Variants in ANK2 observed in about 807,000 individuals in gnomAD.
ANK2 encodes the protein ankyrin-2.
ANK2 carries 83 observed loss-of-function variants against 360.5 expected under a neutral mutation model. That is an observed-to-expected ratio of 0.23 (90% CI 0.19 to 0.28). The LOEUF (loss-of-function observed/expected upper bound fraction) is 0.28, where lower values mean the gene tolerates loss of function less well. ANK2 is among the 10% of genes least tolerant of loss of function. ANK2 has a pLI of 1.00. For synonymous variants in ANK2, 1,740 were observed against 1,759.5 expected (o/e 0.99, Z 0.28); for missense variants, 4,201 against 4,795.7 (o/e 0.88, Z 3.66).
intron 45 of ANK2, among the ~76,000 whole-genome samples, chr4:113,376,219 G>A (rs924676273): frequency 2.0e-5 from 3 of 152,220 alleles, no homozygotes; most frequent in African/African-American, 7.2e-5. Context: ...ACAAACCTAG[G>A]TGGTATAGCC....
the ANK2 span, chr4:112,788,214 T>A: frequency 2.5e-6 from 4 of 1,590,150 alleles, no homozygotes; most frequent in Non-Finnish European, 3.4e-6. Context: ...TTGTAATTGG[T>A]CCTGATAGCT....
intron 1 of ANK2, among the ~76,000 whole-genome samples, chr4:112,838,279 C>G (rs2061407453): frequency 1.3e-5 from 2 of 152,174 alleles, no homozygotes; most frequent in Non-Finnish European, 2.9e-5. Context: ...TGTAAGTTCC[C>G]TGAGGCCTCC....
At chr4:113,142,219 G>C (rs965626769) in intron 1 of ANK2, among the ~76,000 whole-genome samples, 1 of 152,146 alleles carries the variant, frequency 6.6e-6, no homozygotes, top group African/African-American at 2.4e-5. Flanking sequence ...CTTTCCTTCA[G>C]TTTGACAAAA....
rs781543236 is a variant in ANK2, at chr4:113,356,200, A to G, written c.7582A>G (p.Met2528Val). The change falls in exon 38 of 46, where the codon ATG (methionine) becomes GTG (valine). Residue 2528 changes from methionine (M) to valine (V), a missense_variant. Met to Val is a conservative substitution (Grantham distance 21). This residue lies in a region of ANK2 where 2,642 missense variants were observed against 2,714.5 expected (regional missense o/e 0.97). Coordinates refer to ENST00000357077, the MANE Select transcript of ANK2 (RefSeq NM_001148.6). Reference sequence around the variant, plus strand: ...TGACAGTCTTGAGCAGACATCGCTCATGGAGAGCTCAGGGAAGAGCCCCCT... The same window carrying G: ...TGACAGTCTTGAGCAGACATCGCTCGTGGAGAGCTCAGGGAAGAGCCCCCT... Reference protein sequence around the residue: ...EDDSLEQTSLMESSGKSPLSP... With the variant: ...EDDSLEQTSLVESSGKSPLSP... 2.5e-6 allele frequency: 4 copies of G among 1,614,046 alleles called. No individual in the cohort carries two copies. Among genetic ancestry groups the G allele is most frequent in the Non-Finnish European group, 3.4e-6 (4 of 1,179,984 alleles).
chr4:113,059,283 G>C (rs1450029021), intron 1 of ANK2, among the ~76,000 whole-genome samples: 3 of 152,118 alleles, frequency 2.0e-5, no homozygotes, highest in Non-Finnish European at 4.4e-5. Context: ...TGCTTAAATA[G>C]TATTTTCTGT....
At chr4:113,155,817 C>T (rs2097266965) in intron 1 of ANK2, among the ~76,000 whole-genome samples, 1 of 151,988 alleles carries the variant, frequency 6.6e-6, no homozygotes, top group Non-Finnish European at 1.5e-5. Flanking sequence ...TGTGAATAGA[C>T]AAATCAAAGA....
chr4:112,860,820 T>C (rs1162822125), intron 1 of ANK2, among the ~76,000 whole-genome samples: 1 of 152,102 alleles, frequency 6.6e-6, no homozygotes, highest in Non-Finnish European at 1.5e-5. Context: ...CTATTGTAAT[T>C]TGGGGCCCTT....
At chr4:113,333,325 T>C in intron 29 of ANK2, 117 bp downstream of exon 29, 1 of 1,326,518 alleles carries the variant, frequency 7.5e-7, no homozygotes. Context: ...TGTGTGTGTG[T>C]GTGTGTCCCT....
chr4:113,088,648 G>A (rs535468546), intron 1 of ANK2, among the ~76,000 whole-genome samples: 90 of 151,866 alleles, frequency 5.9e-4, no homozygotes, highest in Middle Eastern at 6.8e-3. Context: ...TCCAAAAGAC[G>A]GTGAAACAGA....
intron 4 of ANK2, among the ~76,000 whole-genome samples, chr4:113,227,615 G>A (rs2099240923): frequency 6.6e-6 from 1 of 152,136 alleles, no homozygotes; most frequent in South Asian, 2.1e-4. Flanking sequence ...TATTACAGGA[G>A]ATTCTATCAC....
chr4:113,196,251 G>T (rs899604244), intron 2 of ANK2, 117 bp from the exon 3 acceptor site: 1 of 763,486 alleles, frequency 1.3e-6, no homozygotes, highest in South Asian at 1.6e-5. Context: ...ATGCAAAAAG[G>T]AAAAAAAAGA....
chr4:112,801,346 A>G, the ANK2 span, among the ~76,000 whole-genome samples: 1 of 152,196 alleles, frequency 6.6e-6, no homozygotes, highest in Non-Finnish European at 1.5e-5. Context: ...TTTGCTCCTG[A>G]GGATCTGCAT....
chr4:112,946,786 A>C (rs966520270), intron 2 of ANK2, among the ~76,000 whole-genome samples: 1 of 152,200 alleles, frequency 6.6e-6, no homozygotes, highest in Non-Finnish European at 1.5e-5. Context: ...TCTATTTTAG[A>C]GGTAAGCTGA....
In ANK2 at chr4:113,359,169, A is replaced by C; in HGVS notation, c.10551A>C (p.Glu3517Asp). The stretch of plus-strand genomic sequence containing the variant: ...GTGCCCTGGAAGTATCAGTAATTGA[A>C]AATCTGCCACCTGTTGAGACCGAGC... ...SSSALEVSVI[E>D]NLPPVETEHS... is the part of the protein sequence containing the mutation. Residue 3517 changes from glutamate to aspartate, a missense_variant, in exon 38 of 46, where the codon GAA becomes GAC. This residue lies in a region of ANK2 where 2,642 missense variants were observed against 2,714.5 expected (regional missense o/e 0.97). Transcript: ENST00000357077. 3.1e-6 allele frequency: 5 copies of C among 1,613,356 alleles called. No homozygotes were observed. Among genetic ancestry groups the C allele is most frequent in the Non-Finnish European group, 4.2e-6 (5 of 1,179,396 alleles).
chr4:112,870,299 A>T (rs1253593557), intron 1 of ANK2, among the ~76,000 whole-genome samples: 1 of 152,094 alleles, frequency 6.6e-6, no homozygotes, highest in Non-Finnish European at 1.5e-5. Context: ...TGGCCATATT[A>T]TTTTTTAATA....
intron 1 of ANK2, among the ~76,000 whole-genome samples, chr4:113,113,196 T>TC (rs34488273): frequency 0.46 from 69,555 of 151,070 alleles, 16,223 homozygotes; most frequent in East Asian, 0.56. Context: ...TTTTTTTTTT[T>TC]CCCTGATTAG....
intron 39 of ANK2, among the ~76,000 whole-genome samples, chr4:113,361,402 T>G (rs2096214096): frequency 6.6e-6 from 1 of 152,106 alleles, no homozygotes; most frequent in Admixed American, 6.6e-5. Context: ...AAATTTTATG[T>G]TAATAATTTA....
intron 43 of ANK2, chr4:113,372,721 A>G: frequency 2.3e-6 from 2 of 857,958 alleles, no homozygotes; most frequent in African/African-American, 1.7e-5. Context: ...CATGTTCCTT[A>G]GGTAGTGCAT....
At chr4:113,113,091 A>C (rs983938612) in intron 1 of ANK2, among the ~76,000 whole-genome samples, 5 of 152,180 alleles carry the variant, frequency 3.3e-5, no homozygotes, top group African/African-American at 1.2e-4. Context: ...CCCAAAAAAC[A>C]GAGGAAGCCT....
Sources: allele counts gnomAD v4.1 joint callset (sites outside exome capture counted in the v4.1 genomes callset), GRCh38; gene constraint gnomAD v4.1.1; regional missense constraint gnomAD v4.1.1; transcripts MANE v1.5; gene names NCBI Gene and HGNC (gene_info 2026-07-23, HGNC 2026-07-21).